The following CNOT6L variants were observed in gnomAD, a reference collection of about 807,000 sequenced individuals.
CNOT6L encodes the protein CCR4-NOT transcription complex subunit 6 like.
CNOT6L carries 7 observed loss-of-function variants against 64.0 expected under a neutral mutation model. The ratio of observed to expected loss-of-function variants is 0.11; its 90% CI spans 0.06 to 0.21. CNOT6L has a LOEUF of 0.21. Ranked by LOEUF, CNOT6L falls within the 10% of genes least tolerant of loss-of-function variation. The probability of loss-of-function intolerance (pLI) is 1.00; values close to 1 mark genes in which losing one functional copy is unlikely to be tolerated. For synonymous variants in CNOT6L, 193 were observed against 243.4 expected, an observed-to-expected ratio of 0.79 and a Z score of 1.93; for missense variants, 245 against 669.0, an observed-to-expected ratio of 0.37 and a Z score of 6.99.
chr4:77,751,700 T>C (rs1404420036), intron 5 of CNOT6L, among the ~76,000 whole-genome samples: 1 of 152,174 alleles, frequency 6.6e-6, no homozygotes, highest in Admixed American at 6.5e-5. Flanking sequence ...TAGATTTCTT[T>C]TAAGAAACCA....
chr4:77,765,965 C>T (rs897702927), intron 4 of CNOT6L, among the ~76,000 whole-genome samples: 1 of 152,128 alleles, frequency 6.6e-6, no homozygotes, highest in African/African-American at 2.4e-5. Flanking sequence ...TGCATCTGGG[C>T]CCATTTTGTA....
In CNOT6L at chr4:77,730,591, G is replaced by C. The variant is rs545344655; in HGVS notation, c.1024+796C>G. Among the ~76,000 whole-genome samples, 85 of 152,084 alleles carry C rather than the reference G, an allele frequency of 5.6e-4. 1 individual carries two copies. The South Asian group carries it at 0.017, about 31-fold the overall frequency. ...ACATAAAGGTAAATAAAAACGGAGG[G>C]GCTAAGAAAAGTAAAAAGTCCAAAA... is the stretch of plus-strand genomic sequence containing the variant. On this transcript the variant is annotated intron_variant, in intron 9 of 11. Coordinates refer to ENST00000504123, the MANE Select transcript of CNOT6L (RefSeq NM_144571.3).
chr4:77,791,601 A>G (rs566769562), intron 1 of CNOT6L, among the ~76,000 whole-genome samples: 1 of 152,306 alleles, frequency 6.6e-6, no homozygotes, highest in African/African-American at 2.4e-5. Flanking sequence ...TTGTTATTAT[A>G]AGCCTAATAC....
intron 1 of CNOT6L, among the ~76,000 whole-genome samples, chr4:77,791,310 T>A (rs1730124160): frequency 6.6e-6 from 1 of 152,156 alleles, no homozygotes; most frequent in Non-Finnish European, 1.5e-5. Flanking sequence ...TTCAGCATCA[T>A]CTTTGTCATA....
At chr4:77,790,065 A>G (rs895688879) in intron 1 of CNOT6L, among the ~76,000 whole-genome samples, 3 of 151,144 alleles carry the variant, frequency 2.0e-5, no homozygotes, top group African/African-American at 7.3e-5. Context: ...CCTATTTATC[A>G]TTCCCTCTCC....
chr4:77,755,678 A>G (rs765803324), intron 5 of CNOT6L, among the ~76,000 whole-genome samples: 15 of 152,120 alleles, frequency 9.9e-5, no homozygotes, highest in Non-Finnish European at 2.1e-4. Context: ...AACTTTTCAG[A>G]TAATATTAAT....
rs374262217 is a variant in CNOT6L, at chr4:77,808,036, T to C, written c.5+11268A>G. On this transcript the variant is annotated intron_variant, in intron 1 of 11. Transcript: ENST00000504123. ...GAATGGTTTTTACATTTTTAAAGGA[T>C]TGTGAAAAAAGAATTACAACAAAAA... is the stretch of plus-strand genomic sequence containing the variant. Among the ~76,000 whole-genome samples, 74 of 150,836 alleles carry C rather than the reference T, an allele frequency of 4.9e-4. No homozygotes were observed. In the East Asian group the frequency reaches 0.011, roughly 23 times the overall value.
chr4:77,735,312 G>A (rs1357116113), intron 8 of CNOT6L, among the ~76,000 whole-genome samples: 1 of 152,128 alleles, frequency 6.6e-6, no homozygotes, highest in East Asian at 1.9e-4. Flanking sequence ...CTATCTCCGA[G>A]TCTTCTTTCG....
chr4:77,742,312 G>C lies in CNOT6L; in HGVS notation c.718-17C>G, dbSNP rs1476253227. Reference sequence around the variant, plus strand: ...TTCCACTTCCTGAGATGAAAGAAAAGTTATCATCTATATGACAGAGGGAAA... The same window carrying C: ...TTCCACTTCCTGAGATGAAAGAAAACTTATCATCTATATGACAGAGGGAAA... On this transcript the variant is annotated splice_polypyrimidine_tract_variant and intron_variant, in intron 7 of 11. Coordinates refer to ENST00000504123, the MANE Select transcript of CNOT6L (RefSeq NM_144571.3). 2 of 1,601,762 alleles carry C rather than the reference G, an allele frequency of 1.2e-6. No homozygotes were observed. The highest frequency in any genetic ancestry group is 2.2e-5 in the South Asian group (2 of 89,424).
At position 77,716,162 on chromosome 4, in the gene CNOT6L, T is replaced by C. The variant is rs1720726866; in HGVS notation, c.*4269A>G. 1 of 152,178 alleles carries C rather than the reference T, an allele frequency of 6.6e-6. No homozygotes were observed. The highest frequency in any genetic ancestry group is 1.9e-4 in the East Asian group (1 of 5,178). The allele number at this position is 152,178 out of a possible 1,614,324, so 9.4% of individuals were successfully genotyped here. A position where few individuals can be genotyped will look rare whatever the true frequency, so the allele number is the denominator to read the frequency against. On this transcript the variant is annotated 3_prime_UTR_variant, in exon 12 of 12. Coordinates refer to ENST00000504123, the MANE Select transcript of CNOT6L (RefSeq NM_144571.3). ...GGTGGGAAAAAGAATATCTCATCAA[T>C]GTGAGAATTCACATTTCTGTCAAAA...
chr4:77,768,365 C>A (rs1184899505), intron 4 of CNOT6L, among the ~76,000 whole-genome samples: 1 of 151,454 alleles, frequency 6.6e-6, no homozygotes, highest in Non-Finnish European at 1.5e-5. Flanking sequence ...ACTTGGGAAG[C>A]TGAGGCAGGA....
At chr4:77,746,733 GAAT>G (rs1724239518) in intron 6 of CNOT6L, among the ~76,000 whole-genome samples, 1 of 152,064 alleles carries the variant, frequency 6.6e-6, no homozygotes, top group African/African-American at 2.4e-5. Context: ...CATCAGAAGG[GAAT>G]AATTAATTAT....
chr4:77,819,047 C>A (rs1733953268), intron 1 of CNOT6L: 2 of 661,152 alleles, frequency 3.0e-6, no homozygotes, highest in South Asian at 3.2e-5. Flanking sequence ...CGGGCCACCC[C>A]CGACACACAC....
chr4:77,817,747 T>C (rs1733736612), intron 1 of CNOT6L, among the ~76,000 whole-genome samples: 1 of 152,218 alleles, frequency 6.6e-6, no homozygotes, highest in Admixed American at 6.5e-5. Context: ...TTCCCTCCAC[T>C]TCCCCGTGAA....
intron 4 of CNOT6L, among the ~76,000 whole-genome samples, chr4:77,769,323 T>C (rs1187258834): frequency 1.3e-5 from 2 of 152,128 alleles, no homozygotes; most frequent in African/African-American, 4.8e-5. Flanking sequence ...GTATAGGGGA[T>C]CTATAATGAC....
chr4:77,798,895 C>T (rs1731182643), intron 1 of CNOT6L, among the ~76,000 whole-genome samples: 1 of 151,662 alleles, frequency 6.6e-6, no homozygotes, highest in African/African-American at 2.4e-5. Flanking sequence ...GGTAGGATTG[C>T]TTGAGCCTGG....
At position 77,720,382 on chromosome 4, in the gene CNOT6L, T is replaced by A. The variant is rs1356561192; in HGVS notation, c.*49A>T. On this transcript the variant is annotated 3_prime_UTR_variant, in exon 12 of 12. Transcript: ENST00000504123. ...ACTCCTACATACTTTGATTTACAAC[T>A]GTACAGGTCCATAGCAACAGATCCC... 2 of 1,590,874 alleles carry A rather than the reference T, an allele frequency of 1.3e-6. No homozygotes were observed. Among genetic ancestry groups the A allele is most frequent in the Non-Finnish European group, 1.7e-6 (2 of 1,160,940 alleles).
intron 1 of CNOT6L, among the ~76,000 whole-genome samples, chr4:77,816,584 T>C (rs1047392404): frequency 6.6e-6 from 1 of 152,200 alleles, no homozygotes. Context: ...CTGTGACTCT[T>C]ACCTTCACAG....
chr4:77,794,256 A>C (rs1428099479), intron 1 of CNOT6L, among the ~76,000 whole-genome samples: 23 of 151,892 alleles, frequency 1.5e-4, no homozygotes, highest in Admixed American at 1.5e-3. Context: ...TTATGGAAGA[A>C]ACAATACCAA....
Sources: allele counts gnomAD v4.1 joint callset (sites outside exome capture counted in the v4.1 genomes callset), GRCh38; gene constraint gnomAD v4.1.1; transcripts MANE v1.5; gene names NCBI Gene and HGNC (gene_info 2026-07-23, HGNC 2026-07-21).